The following NPC1L1 variants were observed in gnomAD, a reference collection of about 807,000 sequenced individuals.
NPC1L1 encodes NPC1-like intracellular cholesterol transporter 1.
NPC1L1 carries 98 observed loss-of-function variants against 117.0 expected under a neutral mutation model. That is an observed-to-expected ratio of 0.84 (90% CI 0.71 to 0.99). The LOEUF (loss-of-function observed/expected upper bound fraction) is 0.99. Ranked by LOEUF, NPC1L1 falls within the 50% of genes least tolerant of loss-of-function variation. NPC1L1 has a pLI of 0.00. For missense variants in NPC1L1, 1,540 were observed against 1,710.0 expected (o/e 0.90, Z 1.75); for synonymous variants, 729 against 727.6 (o/e 1.00, Z -0.03).
intron 18 of NPC1L1, 66 bp downstream of exon 18, chr7:44,515,737 A>C: frequency 1.3e-6 from 2 of 1,598,772 alleles, no homozygotes; most frequent in Non-Finnish European, 1.7e-6. Flanking sequence ...TGTGGTGAGC[A>C]TGCACTGTTA....
At chr7:44,528,148 C>T (rs1801581762) in intron 10 of NPC1L1, among the ~76,000 whole-genome samples, 1 of 152,138 alleles carries the variant, frequency 6.6e-6, no homozygotes, top group Admixed American at 6.5e-5. Flanking sequence ...GACAAGGTGT[C>T]TCTCTGTTGC....
chr7:44,532,336 G>T, intron 8 of NPC1L1, 119 bp from the exon 9 acceptor site: 1 of 1,114,092 alleles, frequency 9.0e-7, no homozygotes, highest in South Asian at 1.3e-5. Context: ...CCCTCATGGA[G>T]ACATACCAGT....
rs1490516781 is a variant in NPC1L1 at position 44,513,288 on chromosome 7, G to A, written c.*159C>T. ...GAGGAGCCATCAGTGGTGCTGCCTG[G>A]ATACCTCAAGAGCAGGCCATCCTCC... is the stretch of plus-strand genomic sequence containing the variant. On this transcript the variant is annotated 3_prime_UTR_variant, in exon 19 of 19. Transcript: ENST00000381160. The A allele has an allele frequency of 4.2e-6, 3 of 718,220 alleles. No individual in the cohort carries two copies. The highest frequency in any genetic ancestry group is 7.3e-6 in the Non-Finnish European group (3 of 408,778). 44.5% of individuals were successfully genotyped at this position (718,220 alleles called of 1,614,324 possible).
chr7:44,523,360 G>A (rs1029569808), intron 10 of NPC1L1, among the ~76,000 whole-genome samples: 3 of 152,116 alleles, frequency 2.0e-5, no homozygotes, highest in African/African-American at 7.2e-5. Context: ...CGGCCCTAGT[G>A]TAACGATTTT....
chr7:44,521,830 G>A lies in NPC1L1; in HGVS notation c.2835C>T (p.Tyr945=). 6.2e-7 allele frequency: 1 copy of A among 1,614,158 alleles called. No homozygotes were observed. The highest frequency in any genetic ancestry group is 8.5e-7 in the Non-Finnish European group (1 of 1,180,026). The change falls in exon 12 of 19, where the codon TAC becomes TAT. Residue 945 remains tyrosine (Y), a synonymous_variant. Coordinates refer to ENST00000381160, the MANE Select transcript of NPC1L1 (RefSeq NM_001101648.2). ...QYATEFPEQS[Y]LAIPASSWVD... is the part of the protein sequence containing the mutation. The stretch of plus-strand genomic sequence containing the variant: ...CCCAGGAGGAGGCAGGGATGGCCAG[G>A]TAAGACCTAAGGGGCAGGTGGGAGG...
In NPC1L1 at chr7:44,536,461, G is replaced by A. The variant is rs1480029791; in HGVS notation, c.1682-33C>T. 2 of 1,603,256 alleles carry A rather than the reference G, an allele frequency of 1.2e-6. No individual in the cohort carries two copies. Among genetic ancestry groups the A allele is most frequent in the Admixed American group, 3.3e-5 (2 of 60,010 alleles). On this transcript the variant is annotated intron_variant, in intron 3 of 18. Transcript: ENST00000381160. This position sits in a 1 kb window ranked among gnomAD's most constrained non-coding sequence, Gnocchi z 4.7. ...AAGAAATACTCAGACCCTTCCTGCT[G>A]CACCCGTGCCTCCCTCCCCCTCCAG...
chr7:44,533,235 A>G, intron 8 of NPC1L1, 196 bp downstream of exon 8: 1 of 597,296 alleles, frequency 1.7e-6, no homozygotes, highest in Non-Finnish European at 2.9e-6. Context: ...GATTATATTT[A>G]AAAAATTGTC....
chr7:44,514,660 T>C (rs1329361108), intron 18 of NPC1L1, among the ~76,000 whole-genome samples: 1 of 150,684 alleles, frequency 6.6e-6, no homozygotes, highest in Non-Finnish European at 1.5e-5. Flanking sequence ...AGAGAGAGAC[T>C]CTGTCTAAAA....
At position 44,538,709 on chromosome 7, in the gene NPC1L1, C is replaced by T. The variant is rs1801974615; in HGVS notation, c.1580+108G>A. 3.6e-6 allele frequency: 4 copies of T among 1,119,718 alleles called. No individual in the cohort carries two copies. The South Asian group carries it at 5.0e-5, about 14-fold the overall frequency. The allele number at this position is 1,119,718 out of a possible 1,614,324, so 69.4% of individuals were successfully genotyped here. On this transcript the variant is annotated intron_variant, in intron 2 of 18. Coordinates refer to ENST00000381160, the MANE Select transcript of NPC1L1 (RefSeq NM_001101648.2). The surrounding 1 kb of genome is among the most constrained non-coding windows in gnomAD (Gnocchi z 5.9). ...AGGCCAGAGCCGTAGGAATAGCTAC[C>T]TCTGGTCCTTCAGGACCAGCTGTAT... is the stretch of plus-strand genomic sequence containing the variant.
intron 14 of NPC1L1, among the ~76,000 whole-genome samples, chr7:44,517,892 G>A (rs575529064): frequency 1.5e-3 from 230 of 152,116 alleles, no homozygotes; most frequent in African/African-American, 4.9e-3. Context: ...AAGGCAGGTC[G>A]ATCACCTGAG....
At chr7:44,537,061 G>T in intron 2 of NPC1L1, 119 bp from the exon 3 acceptor site, 2 of 758,718 alleles carry the variant, frequency 2.6e-6, no homozygotes, top group Non-Finnish European at 4.3e-6. Flanking sequence ...CTGGTGGGGT[G>T]GGGGACACTG....
rs1801879830 is a variant in NPC1L1, at chr7:44,536,077, G to A, written c.1855-109C>T. ...AATTGTGTGTTGTGTCATAGGGCCT[G>A]ATGGCCCCCTATAATCGCAGGTGAG... is the stretch of plus-strand genomic sequence containing the variant. On this transcript the variant is annotated intron_variant, in intron 4 of 18. Transcript: ENST00000381160. The surrounding 1 kb of genome is among the most constrained non-coding windows in gnomAD (Gnocchi z 4.7). The A allele has an allele frequency of 1.3e-6, 2 of 1,560,270 alleles. No individual in the cohort carries two copies. Among genetic ancestry groups the A allele is most frequent in the Non-Finnish European group, 1.8e-6 (2 of 1,135,246 alleles).
In NPC1L1 at chr7:44,534,415, G is replaced by A. The variant is rs1801799500; in HGVS notation, c.2166+32C>T. On this transcript the variant is annotated intron_variant, in intron 6 of 18. Coordinates refer to ENST00000381160, the MANE Select transcript of NPC1L1 (RefSeq NM_001101648.2). The surrounding 1 kb of genome is among the most constrained non-coding windows in gnomAD (Gnocchi z 5.2). ...GGTGAGGTTGGGAGAAGAGTGGGCA[G>A]TTGGGGGTGTGGAGAGCTCCTCCCT... is the stretch of plus-strand genomic sequence containing the variant. 1 of 1,611,876 alleles carries A rather than the reference G, an allele frequency of 6.2e-7. No individual in the cohort carries two copies. Among genetic ancestry groups the A allele is most frequent in the Non-Finnish European group, 8.5e-7 (1 of 1,178,058 alleles).
chr7:44,516,479 G>A (rs192526674), intron 16 of NPC1L1, among the ~76,000 whole-genome samples: 2 of 152,086 alleles, frequency 1.3e-5, no homozygotes, highest in East Asian at 1.9e-4. Flanking sequence ...AGTGGCACGT[G>A]CCTGTAGTCC....
At chr7:44,518,636 T>C in intron 14 of NPC1L1, 3 of 992,392 alleles carry the variant, frequency 3.0e-6, no homozygotes, top group South Asian at 1.4e-5. Flanking sequence ...GCCACTGTAC[T>C]CCAGCCTGGG....
Position 44,536,321 on chromosome 7 carries a change from A to C in NPC1L1, c.1789T>G (p.Leu597Val), listed in dbSNP as rs536539929. ...CGCTGGAAGGCTCGCATTTCCTCTA[A>C]GAAGGCCTCCTCCCACAGCTTGGCC... is the stretch of plus-strand genomic sequence containing the variant. Reference protein sequence around the residue: ...AQAKLWEEAFLEEMRAFQRRM... With the variant: ...AQAKLWEEAFVEEMRAFQRRM... Residue 597 changes from leucine (L) to valine (V), a missense_variant, in exon 4 of 19, where the codon TTA becomes GTA. Physicochemically the swap from Leu to Val is conservative, Grantham distance 32. Transcript: ENST00000381160. This position sits in a 1 kb window ranked among gnomAD's most constrained non-coding sequence, Gnocchi z 4.7. The C allele has an allele frequency of 1.9e-6, 3 of 1,614,244 alleles. No individual in the cohort carries two copies. The East Asian group carries it at 6.7e-5, about 36-fold the overall frequency.
rs748013223 is a variant in NPC1L1 at position 44,534,418 on chromosome 7, G to A, written c.2166+29C>T. The A allele has an allele frequency of 2.5e-6, 4 of 1,611,612 alleles. No homozygotes were observed. Among genetic ancestry groups the A allele is most frequent in the Non-Finnish European group, 3.4e-6 (4 of 1,177,772 alleles). ...GAGGTTGGGAGAAGAGTGGGCAGTT[G>A]GGGGTGTGGAGAGCTCCTCCCTTCT... is the stretch of plus-strand genomic sequence containing the variant. On this transcript the variant is annotated intron_variant, in intron 6 of 18. Coordinates refer to ENST00000381160, the MANE Select transcript of NPC1L1 (RefSeq NM_001101648.2). The surrounding 1 kb of genome is among the most constrained non-coding windows in gnomAD (Gnocchi z 5.2).
At chr7:44,519,614 A>C (rs1366073324) in intron 14 of NPC1L1, among the ~76,000 whole-genome samples, 1 of 151,438 alleles carries the variant, frequency 6.6e-6, no homozygotes, top group Non-Finnish European at 1.5e-5. Context: ...AAACTCCCCC[A>C]CCCACCGACG....
Position 44,522,012 on chromosome 7 carries a change from C to T in NPC1L1, c.2828+40G>A, listed in dbSNP as rs375776905. 14 of 1,608,886 alleles carry T rather than the reference C, an allele frequency of 8.7e-6. No homozygotes were observed. In the African/African-American group the frequency reaches 1.5e-4, roughly 17 times the overall value. ...CTGGAGAGGACTGGAGGGACTCAAA[C>T]AGGGAGTAGGCTGGGGTTTGGGGCG... On this transcript the variant is annotated intron_variant, in intron 11 of 18. Coordinates refer to ENST00000381160, the MANE Select transcript of NPC1L1 (RefSeq NM_001101648.2).
Sources: gnomAD v4.1 joint callset for allele counts (sites outside exome capture counted in the v4.1 genomes callset) on GRCh38, gnomAD v4.1.1 for gene constraint, Gnocchi (gnomAD v3.1) non-coding constraint, MANE v1.5 for transcripts, NCBI Gene and HGNC (gene_info 2026-07-23, HGNC 2026-07-21) for gene names.